NCR1: variants seen among roughly 807,000 people sequenced by gnomAD.
The protein encoded by NCR1 is natural cytotoxicity triggering receptor 1.
NCR1 carries 30 observed loss-of-function variants against 32.5 expected under a neutral mutation model. That is an observed-to-expected ratio of 0.92 (90% confidence interval 0.69 to 1.25). NCR1 has a LOEUF of 1.25. Ranked by LOEUF, NCR1 falls within the 50% of genes most tolerant of loss-of-function variation. NCR1 has a pLI of 0.00. For synonymous variants in NCR1, 169 were observed against 143.4 expected, an observed-to-expected ratio of 1.18 and a Z score of -1.28; for missense variants, 369 against 380.7, an observed-to-expected ratio of 0.97 and a Z score of 0.26.
chr19:54,906,233 C>A lies in NCR1; in HGVS notation c.34+12C>A. 6.2e-7 allele frequency: 1 copy of A among 1,614,174 alleles called. No individual in the cohort carries two copies. The highest frequency in any genetic ancestry group is 8.5e-7 in the Non-Finnish European group (1 of 1,180,044). On this transcript the variant is annotated intron_variant, in intron 1 of 6. Transcript: ENST00000291890. Reference sequence around the variant, plus strand: ...CCTGCTCTGCGTCGGTGAGTTCTGGCGTGGAAGGGGAATGGGATCACGGTG... The same window carrying A: ...CCTGCTCTGCGTCGGTGAGTTCTGGAGTGGAAGGGGAATGGGATCACGGTG...
downstream of NCR1, among the ~76,000 whole-genome samples, chr19:54,914,215 C>CT (rs373431642): frequency 0.1 from 12,494 of 122,344 alleles, 988 homozygotes; most frequent in East Asian, 0.4. Flanking sequence ...CAGAATTTCA[C>CT]TTTTTTTTTT....
At chr19:54,921,277 T>C in the NCR1 span, among the ~76,000 whole-genome samples, 1 of 152,130 alleles carries the variant, frequency 6.6e-6, no homozygotes, top group African/African-American at 2.4e-5. Context: ...TGTATCCCGC[T>C]AAACACTGTT....
chr19:54,935,886 TC>T, the NCR1 span, among the ~76,000 whole-genome samples: 1 of 151,540 alleles, frequency 6.6e-6, no homozygotes, highest in African/African-American at 2.4e-5. Context: ...AACAGTTTCA[TC>T]CCAAAACTAC....
chr19:54,934,128 A>G, the NCR1 span, among the ~76,000 whole-genome samples: 1 of 152,120 alleles, frequency 6.6e-6, no homozygotes, highest in East Asian at 1.9e-4. This position sits in a 1 kb window ranked among gnomAD's most constrained non-coding sequence, Gnocchi z 6.7. Context: ...TTTTTAGTAG[A>G]GACGGGGTTT....
the NCR1 span, among the ~76,000 whole-genome samples, chr19:54,934,878 G>A: frequency 1.3e-5 from 2 of 152,094 alleles, no homozygotes; most frequent in East Asian, 1.9e-4. This position sits in a 1 kb window ranked among gnomAD's most constrained non-coding sequence, Gnocchi z 6.7. Context: ...TGTATTTTTA[G>A]TAGAGACGGG....
the NCR1 span, among the ~76,000 whole-genome samples, chr19:54,931,550 T>G: frequency 6.6e-6 from 1 of 152,008 alleles, no homozygotes; most frequent in Non-Finnish European, 1.5e-5. Flanking sequence ...TAGCCAGGTG[T>G]GGTGGCACAT....
At chr19:54,914,590 C>A (rs1453816768), downstream of NCR1, among the ~76,000 whole-genome samples, 1 of 152,034 alleles carries the variant, frequency 6.6e-6, no homozygotes, top group Non-Finnish European at 1.5e-5. Flanking sequence ...CCACCAGCCT[C>A]GGCCTCCCAA....
chr19:54,922,426 G>A, the NCR1 span, among the ~76,000 whole-genome samples: 2,228 of 152,204 alleles, frequency 0.015, 33 homozygotes, highest in Non-Finnish European at 0.023. Flanking sequence ...ACGGGGAGGC[G>A]AGAGAGACAG....
chr19:54,903,039 A>G (rs2067328572), upstream of NCR1, among the ~76,000 whole-genome samples: 1 of 151,998 alleles, frequency 6.6e-6, no homozygotes, highest in Admixed American at 6.6e-5. Context: ...CTAGAACAGG[A>G]GAATTGCTTG....
the NCR1 span, chr19:54,934,464 C>T: frequency 1.9e-6 from 3 of 1,613,092 alleles, no homozygotes; most frequent in Non-Finnish European, 8.5e-7. The surrounding 1 kb of genome is among the most constrained non-coding windows in gnomAD (Gnocchi z 6.7). Context: ...TAAACCAGAG[C>T]TGCCCATGGG....
chr19:54,916,280 C>G (rs775837), downstream of NCR1: 28,007 of 146,156 alleles, frequency 0.19, 3,853 homozygotes, highest in East Asian at 0.69. Flanking sequence ...ATATATCAGA[C>G]CCCCAGAACT....
intron 3 of NCR1, 52 bp from the exon 4 acceptor site, chr19:54,909,193 C>T: frequency 6.6e-7 from 1 of 1,522,258 alleles, no homozygotes; most frequent in Non-Finnish European, 8.9e-7. Flanking sequence ...AAAAAAATAG[C>T]TGGCTGCTCA....
chr19:54,904,658 G>A (rs749567960), upstream of NCR1, among the ~76,000 whole-genome samples: 1 of 148,580 alleles, frequency 6.7e-6, no homozygotes, highest in Admixed American at 6.8e-5. Flanking sequence ...TCAGCCTCCC[G>A]AGTAGTTGGG....
downstream of NCR1, among the ~76,000 whole-genome samples, chr19:54,917,434 C>G (rs1000854071): frequency 2.0e-5 from 3 of 152,080 alleles, no homozygotes; most frequent in African/African-American, 7.2e-5. Flanking sequence ...ATTCTCCTGC[C>G]TCAGCCCCCC....
At chr19:54,922,755 G>A in the NCR1 span, among the ~76,000 whole-genome samples, 1 of 137,484 alleles carries the variant, frequency 7.3e-6, no homozygotes, top group Non-Finnish European at 1.5e-5. Context: ...TCCAGCATGG[G>A]CGACAAGAGT....
At chr19:54,937,392 CA>C in the NCR1 span, among the ~76,000 whole-genome samples, 1 of 149,728 alleles carries the variant, frequency 6.7e-6, no homozygotes, top group Non-Finnish European at 1.5e-5. Context: ...CAAAACAAAC[CA>C]AAAAAAAGAT....
At chr19:54,919,922 A>G (rs549174088), downstream of NCR1, among the ~76,000 whole-genome samples, 89 of 152,108 alleles carry the variant, frequency 5.9e-4, no homozygotes, top group Middle Eastern at 3.4e-3. Context: ...ACACCTCACT[A>G]TGTCCCCTCA....
chr19:54,922,138 C>G, the NCR1 span, among the ~76,000 whole-genome samples: 1 of 151,970 alleles, frequency 6.6e-6, no homozygotes, highest in Non-Finnish European at 1.5e-5. Context: ...GGTGATCCGC[C>G]CGCCTCGGCC....
chr19:54,933,427 G>T, the NCR1 span: 4 of 1,040,906 alleles, frequency 3.8e-6, no homozygotes, highest in Non-Finnish European at 4.4e-6. Flanking sequence ...TTACAGGCAT[G>T]AGCCACCACG....
Sources: gnomAD v4.1 joint callset for allele counts (sites outside exome capture counted in the v4.1 genomes callset) on GRCh38, gnomAD v4.1.1 for gene constraint, Gnocchi (gnomAD v3.1) non-coding constraint, MANE v1.5 for transcripts, NCBI Gene and HGNC (gene_info 2026-07-23, HGNC 2026-07-21) for gene names.